The following PDE1C variants were observed in gnomAD, a reference collection of about 807,000 sequenced individuals.
The protein encoded by PDE1C is phosphodiesterase 1C.
Under a neutral mutation model 93.1 loss-of-function variants are expected in PDE1C, and 62 were observed. That is an observed-to-expected ratio of 0.67 (90% CI 0.54 to 0.82). PDE1C has a LOEUF of 0.82. PDE1C is among the 40% of genes least tolerant of loss of function. PDE1C has a pLI of 0.00. For missense variants in PDE1C, 742 were observed against 884.6 expected, an observed-to-expected ratio of 0.84 and a Z score of 2.04; for synonymous variants, 325 against 310.1, an observed-to-expected ratio of 1.05 and a Z score of -0.50.
At chr7:32,210,697 C>T (rs1178494672) in intron 1 of PDE1C, among the ~76,000 whole-genome samples, 2 of 152,114 alleles carry the variant, frequency 1.3e-5, no homozygotes, top group Admixed American at 1.3e-4. Flanking sequence ...ACTAATAAGG[C>T]CAATTACTAA....
At chr7:31,768,851 A>C (rs947704910) in intron 17 of PDE1C, among the ~76,000 whole-genome samples, 1 of 151,920 alleles carries the variant, frequency 6.6e-6, no homozygotes, top group Non-Finnish European at 1.5e-5. Flanking sequence ...GCTGGAGTTC[A>C]ATGGTACAAT....
intron 1 of PDE1C, among the ~76,000 whole-genome samples, chr7:32,364,977 C>T (rs562777990): frequency 5.1e-4 from 78 of 152,358 alleles, no homozygotes; most frequent in Admixed American, 3.2e-3. Flanking sequence ...TAAACTGCCA[C>T]ATGCTTTCCT....
At chr7:32,148,517 G>T (rs1801048499) in intron 3 of PDE1C, among the ~76,000 whole-genome samples, 1 of 152,070 alleles carries the variant, frequency 6.6e-6, no homozygotes, top group Non-Finnish European at 1.5e-5. Flanking sequence ...TACTCAAGTT[G>T]TTCCAATAGT....
At chr7:31,938,096 G>A (rs758740631) in intron 2 of PDE1C, among the ~76,000 whole-genome samples, 13 of 152,074 alleles carry the variant, frequency 8.5e-5, no homozygotes, top group Non-Finnish European at 1.3e-4. Context: ...TATACTGATT[G>A]AGCTTTCTGT....
intron 6 of PDE1C, among the ~76,000 whole-genome samples, chr7:31,867,550 A>T (rs962281439): frequency 6.6e-6 from 1 of 152,058 alleles, no homozygotes; most frequent in Non-Finnish European, 1.5e-5. Flanking sequence ...GAGCCTGGAG[A>T]CTGGCCCACC....
intron 2 of PDE1C, among the ~76,000 whole-genome samples, chr7:32,034,310 C>A (rs1024442148): frequency 2.0e-5 from 3 of 152,090 alleles, no homozygotes; most frequent in Non-Finnish European, 4.4e-5. Context: ...CTCTCCCCTA[C>A]TCACATCCCC....
chr7:32,223,629 T>G (rs1012389015), intron 1 of PDE1C, among the ~76,000 whole-genome samples: 17 of 152,168 alleles, frequency 1.1e-4, no homozygotes, highest in African/African-American at 3.6e-4. Flanking sequence ...ACTCATGTGC[T>G]TACATATTTC....
At chr7:31,938,931 G>T (rs1805445604) in intron 2 of PDE1C, among the ~76,000 whole-genome samples, 1 of 152,080 alleles carries the variant, frequency 6.6e-6, no homozygotes, top group African/African-American at 2.4e-5. Flanking sequence ...CAGCATCATT[G>T]TCAAGAGCTC....
chr7:32,290,111 A>C (rs1812241822), intron 1 of PDE1C, among the ~76,000 whole-genome samples: 2 of 151,488 alleles, frequency 1.3e-5, no homozygotes, highest in African/African-American at 2.4e-5. Flanking sequence ...GTCCCAACAC[A>C]CTCCAGTGCC....
chr7:31,846,424 C>T (rs1194279905), intron 9 of PDE1C, among the ~76,000 whole-genome samples: 1 of 151,706 alleles, frequency 6.6e-6, no homozygotes, highest in Non-Finnish European at 1.5e-5. Context: ...ACTGGCTAGC[C>T]ATATGCAAAA....
At position 32,339,051 on chromosome 7, in the gene PDE1C, G is replaced by T. The variant is rs562844888; in HGVS notation, c.310+88771C>A. On this transcript the variant is annotated intron_variant, in intron 1 of 1. Transcript: ENST00000672256. ...ACACACACACACACACACACACAAA[G>T]AGTATTAGTAAGCTAAGTATTCATC... Among the ~76,000 whole-genome samples the T allele has an allele frequency of 2.8e-5, 4 of 144,366 alleles. No homozygotes were observed. The South Asian group carries it at 8.6e-4, about 31-fold the overall frequency. 94.7% of individuals were successfully genotyped at this position (144,366 alleles called of 152,430 possible).
At chr7:32,022,029 T>C (rs377275443) in intron 2 of PDE1C, among the ~76,000 whole-genome samples, 22 of 152,106 alleles carry the variant, frequency 1.4e-4, no homozygotes, top group Admixed American at 3.3e-4. Flanking sequence ...CTTAAGTACA[T>C]AATTAGGTTG....
chr7:31,678,284 T>C, the PDE1C span, among the ~76,000 whole-genome samples: 1 of 151,850 alleles, frequency 6.6e-6, no homozygotes, highest in African/African-American at 2.4e-5. Context: ...CCCTGAAAAA[T>C]AAGAACAATG....
At chr7:32,267,412 A>G (rs79981824) in intron 1 of PDE1C, among the ~76,000 whole-genome samples, 1,956 of 152,228 alleles carry the variant, frequency 0.013, 44 homozygotes, top group African/African-American at 0.044. Flanking sequence ...ATGTGGAGTG[A>G]AAAGAGGGGG....
At chr7:31,806,105 T>C (rs1477552510) in intron 16 of PDE1C, among the ~76,000 whole-genome samples, 4 of 151,932 alleles carry the variant, frequency 2.6e-5, no homozygotes, top group African/African-American at 9.7e-5. Flanking sequence ...TCCATAAACA[T>C]TCCAGTTACC....
chr7:32,235,703 A>G (rs1200057222), intron 1 of PDE1C, among the ~76,000 whole-genome samples: 3 of 152,070 alleles, frequency 2.0e-5, no homozygotes, highest in Admixed American at 1.3e-4. Context: ...GGAAGACTCA[A>G]TATGGTAAAG....
chr7:31,934,597 G>C (rs183913352), intron 2 of PDE1C, among the ~76,000 whole-genome samples: 6 of 151,372 alleles, frequency 4.0e-5, no homozygotes, highest in African/African-American at 1.5e-4. Context: ...TACGTGAGTT[G>C]ATACTGGTCT....
At chr7:32,070,577 C>T (rs1380144616), upstream of PDE1C, 11 of 1,436,736 alleles carry the variant, frequency 7.7e-6, no homozygotes, top group Non-Finnish European at 1.0e-5. Context: ...CGCGGCAAAC[C>T]ATGGCCCCAG....
intron 1 of PDE1C, among the ~76,000 whole-genome samples, chr7:32,055,133 A>G (rs77292819): frequency 0.019 from 2,962 of 152,312 alleles, 103 homozygotes; most frequent in African/African-American, 0.068. Context: ...CAACTGCTCA[A>G]TATGTTGTTA....
Sources: gnomAD v4.1 joint callset for allele counts (sites outside exome capture counted in the v4.1 genomes callset) on GRCh38, gnomAD v4.1.1 for gene constraint, MANE v1.5 for transcripts, NCBI Gene and HGNC (gene_info 2026-07-23, HGNC 2026-07-21) for gene names.